LAPTM4B: variants seen among roughly 807,000 people sequenced by gnomAD.
The protein encoded by LAPTM4B is lysosomal-associated transmembrane protein 4B.
In LAPTM4B, 26 loss-of-function variants were observed where a neutral mutation model predicts 28.5. The ratio of observed to expected loss-of-function variants is 0.91; its 90% CI spans 0.67 to 1.27. The LOEUF (loss-of-function observed/expected upper bound fraction) is 1.27. Ranked by LOEUF, LAPTM4B falls within the 50% of genes most tolerant of loss-of-function variation. The pLI, the probability that LAPTM4B is intolerant of heterozygous loss-of-function variation, is 0.00. For missense variants in LAPTM4B, 288 were observed against 285.8 expected (o/e 1.01, Z -0.06); for synonymous variants, 109 against 106.4 (o/e 1.02, Z -0.15).
At chr8:97,798,927 G>A (rs926960189) in intron 1 of LAPTM4B, among the ~76,000 whole-genome samples, 5 of 152,154 alleles carry the variant, frequency 3.3e-5, no homozygotes, top group African/African-American at 7.2e-5. Flanking sequence ...ATCTAAAATC[G>A]ACGTCGTCAT....
intron 1 of LAPTM4B, among the ~76,000 whole-genome samples, chr8:97,800,410 A>G (rs962697400): frequency 2.7e-4 from 38 of 141,664 alleles, no homozygotes; most frequent in African/African-American, 1.0e-3. Flanking sequence ...CGGTCTAGGT[A>G]TTTTATGTAT....
chr8:97,838,994 C>T (rs1458433800), intron 6 of LAPTM4B, among the ~76,000 whole-genome samples: 1 of 152,252 alleles, frequency 6.6e-6, no homozygotes, highest in Non-Finnish European at 1.5e-5. Context: ...TTGTCATATG[C>T]GCATACAGCT....
rs139121072 is a variant in LAPTM4B, at chr8:97,807,009, A to G, written c.211+1545A>G. Among the ~76,000 whole-genome samples, 940 of 152,240 alleles carry G rather than the reference A, an allele frequency of 6.2e-3. 6 individuals carry two copies. The highest frequency in any genetic ancestry group is 0.022 in the African/African-American group (904 of 41,532). On this transcript the variant is annotated intron_variant, in intron 2 of 6. Coordinates refer to ENST00000521545, the MANE Select transcript of LAPTM4B (RefSeq NM_018407.6). Reference sequence around the variant, plus strand: ...TAAGAAGTCCCTTTCACCCTTTGCCATGATTCTGAGGCCTCCCCAGCCATG... The same window carrying G: ...TAAGAAGTCCCTTTCACCCTTTGCCGTGATTCTGAGGCCTCCCCAGCCATG...
intron 5 of LAPTM4B, among the ~76,000 whole-genome samples, chr8:97,822,934 C>T (rs764403509): frequency 9.3e-4 from 141 of 152,024 alleles, no homozygotes; most frequent in Middle Eastern, 3.4e-3. Flanking sequence ...CTCTGCTTCC[C>T]GGGTTCAAGC....
intron 6 of LAPTM4B, among the ~76,000 whole-genome samples, chr8:97,848,703 T>C (rs1361636930): frequency 6.6e-6 from 1 of 152,220 alleles, no homozygotes; most frequent in East Asian, 1.9e-4. Context: ...ATAATTTATC[T>C]AAAGATAAGT....
At chr8:97,826,678 T>C (rs1200648231) in intron 6 of LAPTM4B, among the ~76,000 whole-genome samples, 4 of 152,046 alleles carry the variant, frequency 2.6e-5, no homozygotes, top group Non-Finnish European at 5.9e-5. Flanking sequence ...CCGGCTAATT[T>C]TTGTATTTTC....
chr8:97,847,883 T>C (rs778550877), intron 6 of LAPTM4B, among the ~76,000 whole-genome samples: 6 of 152,342 alleles, frequency 3.9e-5, no homozygotes, highest in Admixed American at 2.6e-4. Context: ...GAAACTTTAA[T>C]GAAAGGAGAA....
At chr8:97,822,563 TATTTATTA>T (rs1031361726) in intron 5 of LAPTM4B, among the ~76,000 whole-genome samples, 3 of 148,750 alleles carry the variant, frequency 2.0e-5, no homozygotes, top group African/African-American at 7.4e-5. Flanking sequence ...TTTATTTATT[TATTTATTA>T]AGGCACAACC....
At position 97,777,137 on chromosome 8, in the gene LAPTM4B, G is replaced by GTTTT. The variant is rs1176218610; in HGVS notation, c.99+1053_99+1056dup. The stretch of plus-strand genomic sequence containing the variant: ...AGCATATATAACTTTTTTCAGTGAG[G>GTTTT]TTTTTTTTTTTTTTTTTTTTTTTTT... On this transcript the variant is annotated intron_variant, in intron 1 of 6. Coordinates refer to ENST00000521545, the MANE Select transcript of LAPTM4B (RefSeq NM_018407.6). Among the ~76,000 whole-genome samples, 28 of 83,854 alleles carry GTTTT rather than the reference G, an allele frequency of 3.3e-4. 1 individual carries two copies. Among genetic ancestry groups the GTTTT allele is most frequent in the African/African-American group, 5.1e-4 (11 of 21,426 alleles). The allele number at this position is 83,854 out of a possible 152,430, so 55.0% of individuals were successfully genotyped here.
chr8:97,829,177 G>T (rs190604932), intron 6 of LAPTM4B, among the ~76,000 whole-genome samples: 1 of 152,294 alleles, frequency 6.6e-6, no homozygotes, highest in East Asian at 1.9e-4. Flanking sequence ...GGGGAGCTGC[G>T]TGGAGGGAGA....
intron 1 of LAPTM4B, among the ~76,000 whole-genome samples, chr8:97,789,441 G>A (rs1387668392): frequency 6.6e-6 from 1 of 151,882 alleles, no homozygotes; most frequent in African/African-American, 2.4e-5. Flanking sequence ...GCTCACTGCA[G>A]CCTTGACATC....
At chr8:97,786,665 C>T in intron 1 of LAPTM4B, among the ~76,000 whole-genome samples, 1 of 150,904 alleles carries the variant, frequency 6.6e-6, no homozygotes. Context: ...TGCCGCTACA[C>T]TCCAGCCCGG....
intron 6 of LAPTM4B, among the ~76,000 whole-genome samples, chr8:97,845,358 A>T (rs941525081): frequency 6.1e-5 from 8 of 131,200 alleles, no homozygotes; most frequent in Non-Finnish European, 8.2e-5. Flanking sequence ...TTTTTTTTTT[A>T]AACTTTTACC....
At chr8:97,777,167 GAC>G (rs917142491) in intron 1 of LAPTM4B, among the ~76,000 whole-genome samples, 2 of 60,706 alleles carry the variant, frequency 3.3e-5, no homozygotes, top group Non-Finnish European at 6.2e-5. Flanking sequence ...TTTTTTTTGA[GAC>G]AGAGTCTCAC....
intron 2 of LAPTM4B, among the ~76,000 whole-genome samples, chr8:97,812,856 G>A (rs1361867261): frequency 6.6e-6 from 1 of 152,148 alleles, no homozygotes; most frequent in African/African-American, 2.4e-5. Flanking sequence ...CACTGCCTGT[G>A]GCAGAGAACA....
chr8:97,796,099 C>G (rs1265316136), intron 1 of LAPTM4B, among the ~76,000 whole-genome samples: 1 of 152,224 alleles, frequency 6.6e-6, no homozygotes, highest in African/African-American at 2.4e-5. Flanking sequence ...GCCACCCTAT[C>G]CGCTTAGTTT....
At chr8:97,794,752 C>T (rs964366073) in intron 1 of LAPTM4B, among the ~76,000 whole-genome samples, 3 of 152,132 alleles carry the variant, frequency 2.0e-5, no homozygotes, top group African/African-American at 7.2e-5. Flanking sequence ...CTCGCTCTGT[C>T]ACCCACGCTG....
chr8:97,812,373 C>T (rs1161695343), intron 2 of LAPTM4B, among the ~76,000 whole-genome samples: 1 of 151,732 alleles, frequency 6.6e-6, no homozygotes, highest in Non-Finnish European at 1.5e-5. Context: ...GCATGCACCA[C>T]CTTTTGTGTT....
intron 6 of LAPTM4B, among the ~76,000 whole-genome samples, chr8:97,842,087 C>T (rs556664300): frequency 2.0e-5 from 3 of 152,264 alleles, no homozygotes; most frequent in East Asian, 3.9e-4. Context: ...TAGTCTCTAT[C>T]GCAAGTATTT....
Sources: gnomAD v4.1 joint callset for allele counts (sites outside exome capture counted in the v4.1 genomes callset) on GRCh38, gnomAD v4.1.1 for gene constraint, MANE v1.5 for transcripts, NCBI Gene and HGNC (gene_info 2026-07-23, HGNC 2026-07-21) for gene names.